Variants in AGPAT4 observed in about 807,000 individuals in gnomAD.
AGPAT4 encodes 1-acyl-sn-glycerol-3-phosphate acyltransferase delta.
In AGPAT4, 15 loss-of-function variants were observed where a neutral mutation model predicts 48.0. The ratio of observed to expected loss-of-function variants is 0.31; its 90% confidence interval spans 0.21 to 0.48. AGPAT4 has a LOEUF of 0.48. AGPAT4 is among the 20% of genes least tolerant of loss of function. The pLI, the probability that AGPAT4 is intolerant of heterozygous loss-of-function variation, is 0.99. For missense variants in AGPAT4, 314 were observed against 482.5 expected, an observed-to-expected ratio of 0.65 and a Z score of 3.27; for synonymous variants, 178 against 198.7, an observed-to-expected ratio of 0.90 and a Z score of 0.88.
intron 2 of AGPAT4, among the ~76,000 whole-genome samples, chr6:161,199,459 A>G (rs936511223): frequency 1.3e-5 from 2 of 152,142 alleles, no homozygotes; most frequent in Admixed American, 1.3e-4. Flanking sequence ...ACACACACAC[A>G]TTGTTTCTTA....
At chr6:161,172,417 A>G (rs967191668) in intron 2 of AGPAT4, among the ~76,000 whole-genome samples, 4 of 152,172 alleles carry the variant, frequency 2.6e-5, no homozygotes, top group Non-Finnish European at 5.9e-5. Flanking sequence ...TGTGGGACTC[A>G]TCACAGTGTG....
chr6:161,205,350 C>T (rs1244822459), intron 2 of AGPAT4, among the ~76,000 whole-genome samples: 1 of 152,098 alleles, frequency 6.6e-6, no homozygotes, highest in Non-Finnish European at 1.5e-5. Context: ...CTTAAGGCTC[C>T]TTTCTCCTCT....
chr6:161,151,246 C>T (rs1239623723), intron 5 of AGPAT4, among the ~76,000 whole-genome samples: 8 of 152,174 alleles, frequency 5.3e-5, no homozygotes, highest in African/African-American at 1.9e-4. Flanking sequence ...ATCTGTGAAC[C>T]GAAAGCAAAA....
intron 3 of AGPAT4, among the ~76,000 whole-genome samples, chr6:161,162,882 C>T (rs1259105033): frequency 1.3e-5 from 2 of 152,256 alleles, no homozygotes; most frequent in African/African-American, 2.4e-5. Flanking sequence ...CGTGAAGCCT[C>T]AGGAACCTGA....
rs1582895157 is a variant in AGPAT4, at chr6:161,232,210, C to G, written c.4G>C (p.Asp2His). 6.2e-7 allele frequency: 1 copy of G among 1,613,706 alleles called. No homozygotes were observed. The highest frequency in any genetic ancestry group is 2.2e-5 in the East Asian group (1 of 44,878). The change falls in exon 2 of 9, where the codon GAC becomes CAC. Residue 2 changes from aspartate to histidine, a missense_variant. Asp to His is a moderately conservative substitution (Grantham distance 81). Transcript: ENST00000320285. The surrounding 1 kb of genome is among the most constrained non-coding windows in gnomAD (Gnocchi z 6.8). Reference protein sequence around the residue: MDLAGLLKSQFL... With the variant: MHLAGLLKSQFL... ...TGAGACTTCAGCAGTCCCGCGAGGT[C>G]CATGATGCGTGGACGCTCTTATTCA... is the stretch of plus-strand genomic sequence containing the variant.
chr6:161,224,802 G>C (rs1335418647), intron 2 of AGPAT4, among the ~76,000 whole-genome samples: 1 of 152,110 alleles, frequency 6.6e-6, no homozygotes, highest in East Asian at 1.9e-4. Context: ...TGACTTAGAT[G>C]TAAAAGTAAC....
chr6:161,152,945 G>C (rs759169499), intron 5 of AGPAT4, among the ~76,000 whole-genome samples: 16 of 152,222 alleles, frequency 1.1e-4, no homozygotes, highest in African/African-American at 2.9e-4. Context: ...CAGACTCCGA[G>C]GTCAGCTGTG....
intron 5 of AGPAT4, among the ~76,000 whole-genome samples, chr6:161,152,750 GGGCCTGGAGCCC>G (rs1314999217): frequency 6.6e-6 from 1 of 152,222 alleles, no homozygotes; most frequent in Non-Finnish European, 1.5e-5. Flanking sequence ...GCCGCCCCCA[GGGCCTGGAGCCC>G]ACGGAAAGGG....
rs928323399 is a variant in AGPAT4, at chr6:161,261,831, C to A, written c.-90+12107G>T. Among the ~76,000 whole-genome samples the A allele has an allele frequency of 6.6e-6, 1 of 152,182 alleles. No individual in the cohort carries two copies. The highest frequency in any genetic ancestry group is 1.9e-4 in the East Asian group (1 of 5,186). On this transcript the variant is annotated intron_variant, in intron 1 of 8. Coordinates refer to ENST00000320285, the MANE Select transcript of AGPAT4 (RefSeq NM_020133.3). This position sits in a 1 kb window ranked among gnomAD's most constrained non-coding sequence, Gnocchi z 5.3. ...TTTTCCTAGCACAGAGCTGTGAATG[C>A]TGCATATCCAAAGAGGCTGGAGAGT... is the stretch of plus-strand genomic sequence containing the variant.
At chr6:161,181,503 C>CGGGGGGGGGGGGGGGGGGGG (rs776492737) in intron 2 of AGPAT4, among the ~76,000 whole-genome samples, 1 of 126,104 alleles carries the variant, frequency 7.9e-6, no homozygotes, top group Non-Finnish European at 1.7e-5. Context: ...GTGGGGGTAG[C>CGGGGGGGGGGGGGGGGGGGG]AGGGGGCGGG....
chr6:161,225,131 C>G lies in AGPAT4; in HGVS notation c.178+6905G>C, dbSNP rs907299600. On this transcript the variant is annotated intron_variant, in intron 2 of 8. Transcript: ENST00000320285. This position sits in a 1 kb window ranked among gnomAD's most constrained non-coding sequence, Gnocchi z 5.0. Reference sequence around the variant, plus strand: ...CCCAGACTCATTCGGATTACCTGCTCCACCCTGACTCCTTCCGATGACCTG... The same window carrying G: ...CCCAGACTCATTCGGATTACCTGCTGCACCCTGACTCCTTCCGATGACCTG... 1.3e-5 allele frequency among the ~76,000 whole-genome samples: 2 copies of G among 151,818 alleles called. No individual in the cohort carries two copies. The highest frequency in any genetic ancestry group is 6.6e-5 in the Admixed American group (1 of 15,260).
rs1353100784 is a variant in AGPAT4, at chr6:161,136,588, C to T, written c.1089G>A (p.Lys363=). 1.2e-6 allele frequency: 2 copies of T among 1,614,100 alleles called. No homozygotes were observed. The highest frequency in any genetic ancestry group is 3.3e-5 in the Admixed American group (2 of 60,016). The change falls in exon 9 of 9, where the codon AAG becomes AAA. Residue 363 remains lysine (K), a synonymous_variant. Coordinates refer to ENST00000320285, the MANE Select transcript of AGPAT4 (RefSeq NM_020133.3). The part of the protein sequence containing the change: ...RWMIGVTEID[K]GSAYGNSDSK... ...TGTCAGAGTTGCCGTAGGCAGAGCC[C>T]TTGTCAATTTCCGTCACACCAATCA...
At position 161,231,716 on chromosome 6, in the gene AGPAT4, T is replaced by C. The variant is rs150819559; in HGVS notation, c.178+320A>G. Among the ~76,000 whole-genome samples the C allele has an allele frequency of 6.6e-6, 1 of 152,358 alleles. No homozygotes were observed. The highest frequency in any genetic ancestry group is 1.5e-5 in the Non-Finnish European group (1 of 68,040). ...CATTTACAAGTATAAGAGCTATATG[T>C]ATACTATTTCTGTAAGGATAACTAA... On this transcript the variant is annotated intron_variant, in intron 2 of 8. Transcript: ENST00000320285. This position sits in a 1 kb window ranked among gnomAD's most constrained non-coding sequence, Gnocchi z 5.3.
rs182548395 is a variant in AGPAT4 at position 161,178,641 on chromosome 6, A to C, written c.179-12224T>G. On this transcript the variant is annotated intron_variant, in intron 2 of 8. Coordinates refer to ENST00000320285, the MANE Select transcript of AGPAT4 (RefSeq NM_020133.3). The surrounding 1 kb of genome is among the most constrained non-coding windows in gnomAD (Gnocchi z 5.1). ...TCGCGTGGGCTGCACCCACTGTCCG[A>C]CAAGCCCCAGTGAGATGAACCTGGT... Among the ~76,000 whole-genome samples, 1,357 of 152,230 alleles carry C rather than the reference A, an allele frequency of 8.9e-3. 20 individuals are homozygous for C. The highest frequency in any genetic ancestry group is 0.031 in the African/African-American group (1,268 of 41,546).
At chr6:161,203,596 C>A (rs188066949) in intron 2 of AGPAT4, among the ~76,000 whole-genome samples, 116 of 152,006 alleles carry the variant, frequency 7.6e-4, no homozygotes, top group Non-Finnish European at 9.4e-4. Flanking sequence ...GGGGGTTTCA[C>A]CGTGTTGACC....
rs969218698 is a variant in AGPAT4, at chr6:161,225,868, G to A, written c.178+6168C>T. Among the ~76,000 whole-genome samples the A allele has an allele frequency of 4.6e-5, 7 of 152,254 alleles. No individual in the cohort carries two copies. Among genetic ancestry groups the A allele is most frequent in the African/African-American group, 1.7e-4 (7 of 41,464 alleles). On this transcript the variant is annotated intron_variant, in intron 2 of 8. Transcript: ENST00000320285. This position sits in a 1 kb window ranked among gnomAD's most constrained non-coding sequence, Gnocchi z 5.0. ...GGTTAGAATCTTAGAGCCACAGGCA[G>A]AAGGAGGCCTAGGCGGGTCTGAGAG...
At position 161,195,053 on chromosome 6, in the gene AGPAT4, G is replaced by A. The variant is rs1018678505; in HGVS notation, c.179-28636C>T. ...AAGTCCTTGCTTAATTTCTCAAATT[G>A]TTTAGAAATATAACTGTGAAGAATA... is the stretch of plus-strand genomic sequence containing the variant. On this transcript the variant is annotated intron_variant, in intron 2 of 8. Transcript: ENST00000320285. The surrounding 1 kb of genome is among the most constrained non-coding windows in gnomAD (Gnocchi z 5.0). Among the ~76,000 whole-genome samples, 5 of 152,092 alleles carry A rather than the reference G, an allele frequency of 3.3e-5. No individual in the cohort carries two copies. The highest frequency in any genetic ancestry group is 1.2e-4 in the African/African-American group (5 of 41,366).
At chr6:161,268,995 A>G (rs1163013711) in intron 1 of AGPAT4, among the ~76,000 whole-genome samples, 2 of 152,246 alleles carry the variant, frequency 1.3e-5, no homozygotes, top group African/African-American at 2.4e-5. Context: ...TTTTATCAGA[A>G]CAAGACAGAG....
intron 2 of AGPAT4, among the ~76,000 whole-genome samples, chr6:161,187,496 C>T (rs1219617925): frequency 6.6e-6 from 1 of 150,850 alleles, no homozygotes; most frequent in Non-Finnish European, 1.5e-5. Context: ...TGGTATGGTC[C>T]TGAAGCCCAT....
Sources: gnomAD v4.1 joint callset for allele counts (sites outside exome capture counted in the v4.1 genomes callset) on GRCh38, gnomAD v4.1.1 for gene constraint, Gnocchi (gnomAD v3.1) non-coding constraint, MANE v1.5 for transcripts, NCBI Gene and HGNC (gene_info 2026-07-23, HGNC 2026-07-21) for gene names.